RANBP2: variants seen among roughly 807,000 people sequenced by gnomAD.
RANBP2 encodes RAN binding protein 2, also known as E3 SUMO-protein ligase RanBP2.
RANBP2 carries 57 observed loss-of-function variants against 303.6 expected under a neutral mutation model. The observed-to-expected ratio is 0.19, with a 90% CI of 0.15 to 0.23. RANBP2 has a LOEUF of 0.23. Among genes scored for constraint, RANBP2 ranks in the 10% least tolerant of loss-of-function variants. The probability of loss-of-function intolerance (pLI) is 1.00; values close to 1 mark genes in which losing one functional copy is unlikely to be tolerated. For missense variants in RANBP2, 3,138 were observed against 3,780.8 expected, an observed-to-expected ratio of 0.83 and a Z score of 4.46; for synonymous variants, 1,167 against 1,301.5, an observed-to-expected ratio of 0.90 and a Z score of 2.23.
At chr2:108,777,783 C>T (rs1277265437) in intron 25 of RANBP2, among the ~76,000 whole-genome samples, 1 of 152,038 alleles carries the variant, frequency 6.6e-6, no homozygotes, top group Non-Finnish European at 1.5e-5. Context: ...TAAGGCCATC[C>T]ATTATATTTT....
the RANBP2 span, among the ~76,000 whole-genome samples, chr2:108,965,446 C>A: frequency 2.3e-5 from 3 of 132,706 alleles, no homozygotes; most frequent in Admixed American, 8.6e-5. Flanking sequence ...ACCTGGGAGA[C>A]AGAGCGAGAT....
the RANBP2 span, among the ~76,000 whole-genome samples, chr2:109,456,266 G>A: frequency 6.6e-6 from 1 of 152,222 alleles, no homozygotes. Context: ...CGTGTGGCTG[G>A]GAGCACCGGC....
chr2:108,833,726 CTTTT>C, the RANBP2 span, among the ~76,000 whole-genome samples: 5 of 91,032 alleles, frequency 5.5e-5, no homozygotes, highest in Admixed American at 1.2e-4. Context: ...GTGGAGTAAA[CTTTT>C]TTTTTTTTTT....
chr2:109,564,448 T>C, the RANBP2 span: 1 of 1,600,342 alleles, frequency 6.2e-7, no homozygotes, highest in Non-Finnish European at 8.5e-7. Flanking sequence ...TAGTGCCTGG[T>C]ATGGGTCTGC....
the RANBP2 span, chr2:108,911,124 T>G: frequency 6.2e-7 from 1 of 1,611,784 alleles, no homozygotes; most frequent in Non-Finnish European, 8.5e-7. Flanking sequence ...TCCCTGCTGG[T>G]CTTCCCTCCA....
chr2:109,180,330 C>CT, the RANBP2 span, among the ~76,000 whole-genome samples: 1 of 152,134 alleles, frequency 6.6e-6, no homozygotes, highest in African/African-American at 2.4e-5. Context: ...GACTTTTTCT[C>CT]TGTTTCCTGA....
At chr2:109,439,725 C>T in the RANBP2 span, among the ~76,000 whole-genome samples, 1 of 152,120 alleles carries the variant, frequency 6.6e-6, no homozygotes, top group South Asian at 2.1e-4. Flanking sequence ...GCCATGAATT[C>T]ATCAGCAAAA....
At chr2:108,984,757 T>G in the RANBP2 span, among the ~76,000 whole-genome samples, 1 of 152,174 alleles carries the variant, frequency 6.6e-6, no homozygotes, top group African/African-American at 2.4e-5. Flanking sequence ...CTAAGCTCTG[T>G]GAGTGCAGGG....
the RANBP2 span, among the ~76,000 whole-genome samples, chr2:109,662,895 A>G: frequency 1.3e-5 from 2 of 152,086 alleles, no homozygotes; most frequent in Admixed American, 1.3e-4. Context: ...CCTGGCCTCC[A>G]ATGTGGTTCT....
chr2:108,903,227 A>G, the RANBP2 span, among the ~76,000 whole-genome samples: 1 of 152,178 alleles, frequency 6.6e-6, no homozygotes, highest in Non-Finnish European at 1.5e-5. Flanking sequence ...ATGCAGATGA[A>G]AAAAAATTAA....
At chr2:109,199,842 T>C in the RANBP2 span, among the ~76,000 whole-genome samples, 2 of 53,618 alleles carry the variant, frequency 3.7e-5, no homozygotes, top group African/African-American at 5.2e-5. Flanking sequence ...TGGAATGGAA[T>C]GGAATGGAAA....
chr2:109,170,335 T>TC, the RANBP2 span, among the ~76,000 whole-genome samples: 2 of 150,456 alleles, frequency 1.3e-5, no homozygotes, highest in Admixed American at 6.7e-5. Context: ...CTCTCCTCTC[T>TC]CTCTCTCTTT....
At chr2:108,802,435 G>A in the RANBP2 span, among the ~76,000 whole-genome samples, 1 of 142,150 alleles carries the variant, frequency 7.0e-6, no homozygotes, top group African/African-American at 2.9e-5. Context: ...CTGTTTGTCT[G>A]TTGTTGGTGT....
At chr2:109,111,094 C>T in the RANBP2 span, among the ~76,000 whole-genome samples, 1 of 152,144 alleles carries the variant, frequency 6.6e-6, no homozygotes, top group East Asian at 1.9e-4. Context: ...CATCCAGTTA[C>T]CTCTTGAACA....
At chr2:109,012,544 A>G in the RANBP2 span, among the ~76,000 whole-genome samples, 1 of 152,184 alleles carries the variant, frequency 6.6e-6, no homozygotes, top group Non-Finnish European at 1.5e-5. Context: ...TCACAGAATG[A>G]CAATGAAGCC....
chr2:108,851,935 C>T, the RANBP2 span, among the ~76,000 whole-genome samples: 1 of 152,126 alleles, frequency 6.6e-6, no homozygotes, highest in African/African-American at 2.4e-5. Flanking sequence ...ATAATTGTGC[C>T]AAAACGATAC....
At chr2:109,773,251 G>A in the RANBP2 span, among the ~76,000 whole-genome samples, 1 of 150,910 alleles carries the variant, frequency 6.6e-6, no homozygotes, top group Non-Finnish European at 1.5e-5. Context: ...GGGTTGAAAA[G>A]GAAAGATCAG....
chr2:109,302,343 C>G, the RANBP2 span, among the ~76,000 whole-genome samples: 1 of 152,228 alleles, frequency 6.6e-6, no homozygotes, highest in Non-Finnish European at 1.5e-5. Context: ...GAAAGTTAGG[C>G]TGCAGGAACA....
chr2:109,326,374 T>C, the RANBP2 span, among the ~76,000 whole-genome samples: 10 of 152,210 alleles, frequency 6.6e-5, no homozygotes, highest in African/African-American at 2.4e-4. Context: ...TTTTTAATGT[T>C]CATGTAGAAG....
Sources: gnomAD v4.1 joint callset for allele counts (sites outside exome capture counted in the v4.1 genomes callset) on GRCh38, gnomAD v4.1.1 for gene constraint, MANE v1.5 for transcripts, NCBI Gene and HGNC (gene_info 2026-07-23, HGNC 2026-07-21) for gene names.